The following NEGR1 variants were observed in gnomAD, a reference collection of about 807,000 sequenced individuals.
NEGR1 encodes the protein neuronal growth regulator 1, also known as IgLON family member 4.
Under a neutral mutation model 40.9 loss-of-function variants are expected in NEGR1, and 10 were observed. The ratio of observed to expected loss-of-function variants is 0.24; its 90% CI spans 0.15 to 0.42. The LOEUF (loss-of-function observed/expected upper bound fraction) is 0.42. Ranked by LOEUF, NEGR1 falls within the 10% of genes least tolerant of loss-of-function variation. NEGR1 has a pLI of 1.00. For synonymous variants in NEGR1, 185 were observed against 166.8 expected, an observed-to-expected ratio of 1.11 and a Z score of -0.84; for missense variants, 352 against 438.9, an observed-to-expected ratio of 0.80 and a Z score of 1.77.
At chr1:71,684,450 CA>C (rs1483728947) in intron 4 of NEGR1, among the ~76,000 whole-genome samples, 1 of 152,054 alleles carries the variant, frequency 6.6e-6, no homozygotes, top group East Asian at 1.9e-4. Flanking sequence ...TAAACACATA[CA>C]ACACATACTA....
At chr1:72,136,722 G>T (rs193111967) in intron 1 of NEGR1, among the ~76,000 whole-genome samples, 1 of 150,390 alleles carries the variant, frequency 6.6e-6, no homozygotes, top group Admixed American at 6.6e-5. Context: ...AAAAGCAATG[G>T]CAACAAAAGC....
intron 6 of NEGR1, among the ~76,000 whole-genome samples, chr1:71,524,323 TG>T (rs1647191917): frequency 1.3e-5 from 2 of 148,692 alleles, no homozygotes; most frequent in African/African-American, 2.5e-5. Flanking sequence ...GGAGTGTGTG[TG>T]TGTGTGTGTG....
intron 6 of NEGR1, among the ~76,000 whole-genome samples, chr1:71,491,170 T>A (rs1453764913): frequency 6.6e-6 from 1 of 152,104 alleles, no homozygotes; most frequent in Non-Finnish European, 1.5e-5. Context: ...CATTATTCCC[T>A]AAACAATACA....
At chr1:71,818,812 G>C (rs1160064150) in intron 2 of NEGR1, among the ~76,000 whole-genome samples, 1 of 151,914 alleles carries the variant, frequency 6.6e-6, no homozygotes, top group African/African-American at 2.4e-5. Context: ...CTGACCCACA[G>C]ATGGTTATGG....
intron 1 of NEGR1, among the ~76,000 whole-genome samples, chr1:72,076,843 TCTA>T (rs1647761318): frequency 6.6e-6 from 1 of 151,332 alleles, no homozygotes; most frequent in Admixed American, 6.6e-5. Flanking sequence ...GTATTTAATG[TCTA>T]CAAAAATGAA....
intron 6 of NEGR1, among the ~76,000 whole-genome samples, chr1:71,499,355 A>G (rs1232914519): frequency 6.6e-6 from 1 of 151,422 alleles, no homozygotes; most frequent in East Asian, 1.9e-4. Context: ...TAGTGCAGAG[A>G]AGGCAAAGAT....
intron 2 of NEGR1, among the ~76,000 whole-genome samples, chr1:71,796,304 A>G (rs1657322799): frequency 6.6e-6 from 1 of 152,144 alleles, no homozygotes; most frequent in South Asian, 2.1e-4. Flanking sequence ...GGGCTGGAAG[A>G]GTACCAGGTG....
chr1:72,239,987 C>T (rs1654682108), intron 1 of NEGR1, among the ~76,000 whole-genome samples: 1 of 151,762 alleles, frequency 6.6e-6, no homozygotes. Flanking sequence ...AAAATTTTTG[C>T]ACCAAAGTAA....
intron 1 of NEGR1, among the ~76,000 whole-genome samples, chr1:71,944,915 A>G (rs771843321): frequency 2.6e-5 from 4 of 152,234 alleles, no homozygotes; most frequent in Non-Finnish European, 5.9e-5. Context: ...AAAATGGACT[A>G]AACCATAATT....
chr1:71,522,325 A>C (rs1397270417), intron 6 of NEGR1, among the ~76,000 whole-genome samples: 1 of 151,980 alleles, frequency 6.6e-6, no homozygotes, highest in Admixed American at 6.6e-5. Flanking sequence ...GAATTTAAGA[A>C]ATTTCAAGAG....
At chr1:72,114,308 C>T (rs1475828271) in intron 1 of NEGR1, among the ~76,000 whole-genome samples, 1 of 151,574 alleles carries the variant, frequency 6.6e-6, no homozygotes, top group Non-Finnish European at 1.5e-5. Context: ...CACCCCACAC[C>T]TCTGCCCAGC....
chr1:72,255,667 A>G (rs928772391), intron 1 of NEGR1, among the ~76,000 whole-genome samples: 3 of 149,796 alleles, frequency 2.0e-5, no homozygotes, highest in Admixed American at 6.8e-5. Context: ...TCCCAGCCTC[A>G]GCCTCCCTGG....
chr1:72,047,563 A>C (rs2100468392), intron 1 of NEGR1, among the ~76,000 whole-genome samples: 1 of 151,568 alleles, frequency 6.6e-6, no homozygotes, highest in East Asian at 1.9e-4. Context: ...AAAATTTTTA[A>C]AAGATTTAGA....
At chr1:71,708,602 ATT>A (rs34403391) in intron 3 of NEGR1, among the ~76,000 whole-genome samples, 5 of 150,634 alleles carry the variant, frequency 3.3e-5, no homozygotes, top group African/African-American at 7.3e-5. Flanking sequence ...CAGAGTTTTT[ATT>A]TTTTTTTTAA....
At chr1:71,459,260 T>C (rs1307648954) in intron 6 of NEGR1, among the ~76,000 whole-genome samples, 1 of 152,192 alleles carries the variant, frequency 6.6e-6, no homozygotes, top group Non-Finnish European at 1.5e-5. Context: ...TCTTCTCTAA[T>C]ACTCTTCTAA....
intron 1 of NEGR1, among the ~76,000 whole-genome samples, chr1:71,958,473 C>T (rs17091998): frequency 6.6e-6 from 1 of 152,126 alleles, no homozygotes; most frequent in Non-Finnish European, 1.5e-5. Flanking sequence ...AGGAGACTTT[C>T]TCATACTCCA....
rs192556345 is a variant in NEGR1 at position 72,132,167 on chromosome 1, A to C, written c.176+150152T>G. 7.0e-4 allele frequency among the ~76,000 whole-genome samples: 107 copies of C among 152,316 alleles called. 2 individuals are homozygous for C. Among genetic ancestry groups the C allele is most frequent in the South Asian group, 6.4e-3 (31 of 4,830 alleles). On this transcript the variant is annotated intron_variant, in intron 1 of 6. Transcript: ENST00000357731. ...ATTCCCAGTATACATGCACATAAAT[A>C]GGACACAACTGGAACGGTAAACTAA...
Position 71,742,555 on chromosome 1 carries a change from G to GTCACCCCTTTCTTTCCCATTTC in NEGR1, c.535+33595_535+33616dup, listed in dbSNP as rs150458855. Among the ~76,000 whole-genome samples, 1,097 of 152,194 alleles carry GTCACCCCTTTCTTTCCCATTTC rather than the reference G, an allele frequency of 7.2e-3. 5 individuals carry two copies. The highest frequency in any genetic ancestry group is 0.025 in the African/African-American group (1,053 of 41,506). On this transcript the variant is annotated intron_variant, in intron 3 of 6. Transcript: ENST00000357731. ...CTAGATCTTGGCTTGCTTGGGAACT[G>GTCACCCCTTTCTTTCCCATTTC]TCACCCCTTTCTTTCCCATTTCTCA... is the stretch of plus-strand genomic sequence containing the variant.
At chr1:72,271,737 T>C (rs1368165981) in intron 1 of NEGR1, among the ~76,000 whole-genome samples, 1 of 152,016 alleles carries the variant, frequency 6.6e-6, no homozygotes, top group South Asian at 2.1e-4. Context: ...TATCCCAGAA[T>C]TCCCACGTGT....
Sources: allele counts gnomAD v4.1 joint callset (sites outside exome capture counted in the v4.1 genomes callset), GRCh38; gene constraint gnomAD v4.1.1; transcripts MANE v1.5; gene names NCBI Gene and HGNC (gene_info 2026-07-23, HGNC 2026-07-21).